Variants in GRM2 observed in about 807,000 individuals in gnomAD.
GRM2 encodes the protein glutamate metabotropic receptor 2.
In GRM2, 35 loss-of-function variants were observed where a neutral mutation model predicts 60.4. That is an observed-to-expected ratio of 0.58 (90% CI 0.44 to 0.77). The LOEUF (loss-of-function observed/expected upper bound fraction) is 0.77, where lower values mean the gene tolerates loss of function less well. GRM2 is among the 30% of genes least tolerant of loss of function. The pLI is 0.00. For synonymous variants in GRM2, 437 were observed against 484.1 expected (o/e 0.90, Z 1.28); for missense variants, 925 against 1,199.5 (o/e 0.77, Z 3.38).
At position 51,716,249 on chromosome 3, in the gene GRM2, CAG is replaced by C. The variant is rs1703895917; in HGVS notation, c.2364+113_2364+114del. 1 of 709,160 alleles carries C rather than the reference CAG, an allele frequency of 1.4e-6. No individual in the cohort carries two copies. Among genetic ancestry groups the C allele is most frequent in the South Asian group, 1.8e-5 (1 of 55,546 alleles). The allele number at this position is 709,160 out of a possible 1,614,324, so 43.9% of individuals were successfully genotyped here. A position where few individuals can be genotyped will look rare whatever the true frequency, so the allele number is the denominator to read the frequency against. On this transcript the variant is annotated intron_variant, in intron 4 of 5. Transcript: ENST00000395052. This position sits in a 1 kb window ranked among gnomAD's most constrained non-coding sequence, Gnocchi z 4.0. The stretch of plus-strand genomic sequence containing the variant: ...GGGTTCCAAGAGGATAATGCCCACT[CAG>C]GGGACCACAGCTTGTGTGGATCCCA...
Position 51,718,051 on chromosome 3 carries a change from A to G in GRM2, c.2558A>G (p.Gln853Arg). ...TTCCTTTTCTTAGGGTCTGGCTCCC[A>G]GTTTGTCCCCACTGTTTGCAATGGC... is the stretch of plus-strand genomic sequence containing the variant. The part of the protein sequence containing the change: ...SSSLGQGSGS[Q>R]FVPTVCNGRE... Residue 853 changes from glutamine to arginine, a missense_variant, in exon 6 of 6, where the codon CAG becomes CGG. By Grantham distance (43) the Gln-to-Arg change is conservative. Coordinates refer to ENST00000395052, the MANE Select transcript of GRM2 (RefSeq NM_000839.5). This position sits in a 1 kb window ranked among gnomAD's most constrained non-coding sequence, Gnocchi z 4.2. The G allele has an allele frequency of 6.2e-7, 1 of 1,614,136 alleles. No homozygotes were observed. The highest frequency in any genetic ancestry group is 8.5e-7 in the Non-Finnish European group (1 of 1,180,004).
rs776161090 is a variant in GRM2 at position 51,713,019 on chromosome 3, AG to A, written c.998del (p.Ser333ThrfsTer146). The part of the protein sequence containing the change: ...PISDFASYFQ[S>X]LDPWNNSRNP... ...CAGTGACTTTGCCTCCTACTTCCAG[AG>A]CCTGGACCCTTGGAACAACAGCCGG... On this transcript the variant is annotated frameshift_variant, in exon 3 of 6. Coordinates refer to ENST00000395052, the MANE Select transcript of GRM2 (RefSeq NM_000839.5). LOFTEE classifies it high-confidence loss of function. The surrounding 1 kb of genome is among the most constrained non-coding windows in gnomAD (Gnocchi z 4.8). 1 of 1,613,214 alleles carries A rather than the reference AG, an allele frequency of 6.2e-7. No individual in the cohort carries two copies. Among genetic ancestry groups the A allele is most frequent in the Non-Finnish European group, 8.5e-7 (1 of 1,180,040 alleles).
Position 51,715,719 on chromosome 3 carries a change from C to T in GRM2, c.1946C>T (p.Ala649Val), listed in dbSNP as rs773700618. Residue 649 changes from alanine (A) to valine (V), a missense_variant, in exon 4 of 6, where the codon GCC becomes GTC. Ala to Val is a moderately conservative substitution (Grantham distance 64). Coordinates refer to ENST00000395052, the MANE Select transcript of GRM2 (RefSeq NM_000839.5). This position sits in a 1 kb window ranked among gnomAD's most constrained non-coding sequence, Gnocchi z 9.0. ...LGTAFSVCYS[A>V]LLTKTNRIAR... ...ACTGCCTTCTCTGTCTGCTACTCAG[C>T]CCTGCTCACCAAGACCAACCGCATT... The T allele has an allele frequency of 3.7e-6, 6 of 1,614,218 alleles. No homozygotes were observed. Among genetic ancestry groups the T allele is most frequent in the African/African-American group, 1.3e-5 (1 of 75,074 alleles).
At position 51,713,335 on chromosome 3, in the gene GRM2, T is replaced by G; in HGVS notation, c.1288+25T>G. 6.8e-7 allele frequency: 1 copy of G among 1,461,822 alleles called. No homozygotes were observed. Among genetic ancestry groups the G allele is most frequent in the Non-Finnish European group, 9.4e-7 (1 of 1,058,542 alleles). 90.6% of individuals were successfully genotyped at this position (1,461,822 alleles called of 1,614,324 possible). A position where few individuals can be genotyped will look rare whatever the true frequency, so the allele number is the denominator to read the frequency against. ...GGTAATGGTGTTGGCCAGTGTCCAT[T>G]GGCCTGCTGGCTGTCAGAGGATGAG... is the stretch of plus-strand genomic sequence containing the variant. On this transcript the variant is annotated intron_variant, in intron 3 of 5. Coordinates refer to ENST00000395052, the MANE Select transcript of GRM2 (RefSeq NM_000839.5). This position sits in a 1 kb window ranked among gnomAD's most constrained non-coding sequence, Gnocchi z 4.8.
chr3:51,708,648 A>T, intron 1 of GRM2, 200 bp from the exon 2 acceptor site: 1 of 233,372 alleles, frequency 4.3e-6, no homozygotes, highest in Non-Finnish European at 8.4e-6. Flanking sequence ...CCCATCTCTC[A>T]CCAAGCTGAG....
rs773073246 is a variant in GRM2 at position 51,709,038 on chromosome 3, G to C, written c.55G>C (p.Glu19Gln). The C allele has an allele frequency of 1.9e-6, 3 of 1,601,216 alleles. No homozygotes were observed. In the Admixed American group the frequency reaches 5.0e-5, roughly 27 times the overall value. Residue 19 changes from glutamate (E) to glutamine (Q), a missense_variant, in exon 2 of 6, where the codon GAG becomes CAG. Transcript: ENST00000395052. Reference protein sequence around the residue: ...ALLLLWGAVAEGPAKKVLTLE... With the variant: ...ALLLLWGAVAQGPAKKVLTLE... ...GCTGCTGCTGTGGGGTGCTGTGGCT[G>C]AGGGCCCAGCCAAGAAGGTGCTGAC...
At position 51,715,398 on chromosome 3, in the gene GRM2, T is replaced by C. The variant is rs760442768; in HGVS notation, c.1625T>C (p.Leu542Pro). The C allele has an allele frequency of 6.2e-7, 1 of 1,613,586 alleles. No homozygotes were observed. The highest frequency in any genetic ancestry group is 8.5e-7 in the Non-Finnish European group (1 of 1,180,004). The change falls in exon 4 of 6, where the codon CTG (leucine) becomes CCG (proline). Residue 542 changes from leucine (L) to proline (P), a missense_variant. Transcript: ENST00000395052. This position sits in a 1 kb window ranked among gnomAD's most constrained non-coding sequence, Gnocchi z 9.0. ...GAATTCACTTGCGCTGATTGTGGCC[T>C]GGGCTACTGGCCCAATGCCAGCCTG... ...LDEFTCADCG[L>P]GYWPNASLTG...
chr3:51,709,000 C>A lies in GRM2; in HGVS notation c.17C>A (p.Ala6Glu). The A allele has an allele frequency of 6.3e-7, 1 of 1,581,292 alleles. No individual in the cohort carries two copies. The highest frequency in any genetic ancestry group is 8.6e-7 in the Non-Finnish European group (1 of 1,157,810). Residue 6 changes from alanine to glutamate, a missense_variant, in exon 2 of 6, where the codon GCG becomes GAG. By Grantham distance (107) the Ala-to-Glu change is moderately radical (BLOSUM62 -1). Coordinates refer to ENST00000395052, the MANE Select transcript of GRM2 (RefSeq NM_000839.5). ...TTTGGGGCCATGGGATCGCTGCTTG[C>A]GCTCCTGGCACTGCTGCTGCTGTGG... MGSLL[A>E]LLALLLLWGA... is the part of the protein sequence containing the mutation.
Position 51,712,634 on chromosome 3 carries a change from G to A in GRM2, c.612G>A (p.Trp204Ter). ...CTGAGATTCTCCGCTTCTTCAACTG[G>A]ACCTATGTGTCCACTGTGGCGTCTG... Reference protein sequence around the residue: ...AMAEILRFFNWTYVSTVASEG... With the variant: ...AMAEILRFFN Residue 204 changes from tryptophan to a stop codon, truncating the protein, a stop_gained, in exon 3 of 6, where the codon TGG (tryptophan) becomes TGA (stop). Transcript: ENST00000395052. LOFTEE classifies it high-confidence loss of function. The surrounding 1 kb of genome is among the most constrained non-coding windows in gnomAD (Gnocchi z 5.3). 1 of 1,614,140 alleles carries A rather than the reference G, an allele frequency of 6.2e-7. No homozygotes were observed. Among genetic ancestry groups the A allele is most frequent in the Non-Finnish European group, 8.5e-7 (1 of 1,180,042 alleles).
In GRM2 at chr3:51,713,119, C is replaced by G. The variant is rs755762716; in HGVS notation, c.1097C>G (p.Ser366Cys). 3 of 1,613,118 alleles carry G rather than the reference C, an allele frequency of 1.9e-6. No homozygotes were observed. Among genetic ancestry groups the G allele is most frequent in the South Asian group, 2.2e-5 (2 of 91,088 alleles). The change falls in exon 3 of 6, where the codon TCT becomes TGT. Residue 366 changes from serine to cysteine, a missense_variant. Coordinates refer to ENST00000395052, the MANE Select transcript of GRM2 (RefSeq NM_000839.5). This position sits in a 1 kb window ranked among gnomAD's most constrained non-coding sequence, Gnocchi z 4.8. The stretch of plus-strand genomic sequence containing the variant: ...CGGCAGCGAGACTGCGCAGCCCACT[C>G]TCTCCGGGCTGTGCCCTTTGAGCAG... ...SFRQRDCAAH[S>C]LRAVPFEQES... is the part of the protein sequence containing the mutation.
At position 51,718,082 on chromosome 3, in the gene GRM2, G is replaced by A; in HGVS notation, c.2589G>A (p.Glu863=). 1 of 1,614,176 alleles carries A rather than the reference G, an allele frequency of 6.2e-7. No homozygotes were observed. Among genetic ancestry groups the A allele is most frequent in the Non-Finnish European group, 8.5e-7 (1 of 1,180,018 alleles). The change falls in exon 6 of 6, where the codon GAG becomes GAA. Residue 863 remains glutamate (E), a synonymous_variant. Transcript: ENST00000395052. The surrounding 1 kb of genome is among the most constrained non-coding windows in gnomAD (Gnocchi z 4.2). The part of the protein sequence containing the change: ...QFVPTVCNGR[E]VVDSTTSSL ...TCCCCACTGTTTGCAATGGCCGTGAGGTGGTGGACTCGACAACGTCATCGC... is the reference window on the plus strand; with the variant it reads ...TCCCCACTGTTTGCAATGGCCGTGAAGTGGTGGACTCGACAACGTCATCGC...
chr3:51,713,704 G>C lies in GRM2; in HGVS notation c.1288+394G>C. 3.6e-6 allele frequency: 1 copy of C among 275,934 alleles called. No individual in the cohort carries two copies. The highest frequency in any genetic ancestry group is 5.0e-5 in the Admixed American group (1 of 19,938). 17.1% of individuals were successfully genotyped at this position (275,934 alleles called of 1,614,324 possible). A position where few individuals can be genotyped will look rare whatever the true frequency, so the allele number is the denominator to read the frequency against. Reference sequence around the variant, plus strand: ...CATCAGGATGACGCTCTATATTCACGGAAAATGTCTTTCTGTCTTTCTTTT... The same window carrying C: ...CATCAGGATGACGCTCTATATTCACCGAAAATGTCTTTCTGTCTTTCTTTT... On this transcript the variant is annotated intron_variant, in intron 3 of 5. Coordinates refer to ENST00000395052, the MANE Select transcript of GRM2 (RefSeq NM_000839.5). This position sits in a 1 kb window ranked among gnomAD's most constrained non-coding sequence, Gnocchi z 4.8.
rs1308047811 is a variant in GRM2 at position 51,712,679 on chromosome 3, AG to A, written c.659del (p.Gly220AlafsTer7). ...CGTCTGAGGGCGACTATGGCGAGACAGGCATTGAGGCCTTTGAGCTAGAGGC... is the reference window on the plus strand; with the variant it reads ...CGTCTGAGGGCGACTATGGCGAGACAGCATTGAGGCCTTTGAGCTAGAGGC... ...VASEGDYGET[G>X]IEAFELEARA... On this transcript the variant is annotated frameshift_variant, in exon 3 of 6. Coordinates refer to ENST00000395052, the MANE Select transcript of GRM2 (RefSeq NM_000839.5). LOFTEE classifies it high-confidence loss of function. The surrounding 1 kb of genome is among the most constrained non-coding windows in gnomAD (Gnocchi z 5.3). The A allele has an allele frequency of 6.2e-7, 1 of 1,613,938 alleles. No individual in the cohort carries two copies. The highest frequency in any genetic ancestry group is 8.5e-7 in the Non-Finnish European group (1 of 1,180,034).
Position 51,718,189 on chromosome 3 carries a change from T to C in GRM2, c.*77T>C. 1 of 1,223,336 alleles carries C rather than the reference T, an allele frequency of 8.2e-7. No homozygotes were observed. The highest frequency in any genetic ancestry group is 1.2e-6 in the Non-Finnish European group (1 of 822,802). The allele number at this position is 1,223,336 out of a possible 1,614,324, so 75.8% of individuals were successfully genotyped here. On this transcript the variant is annotated 3_prime_UTR_variant, in exon 6 of 6. Coordinates refer to ENST00000395052, the MANE Select transcript of GRM2 (RefSeq NM_000839.5). This position sits in a 1 kb window ranked among gnomAD's most constrained non-coding sequence, Gnocchi z 4.2. ...CCCACGTCCAGGGCCAGGAGGAAGT[T>C]GGCTGGAGCACTGCAATAATTTATT...
Position 51,713,227 on chromosome 3 carries a change from A to G in GRM2, c.1205A>G (p.Asn402Ser), listed in dbSNP as rs765950059. The change falls in exon 3 of 6, where the codon AAC becomes AGC. Residue 402 changes from asparagine (N) to serine (S), a missense_variant. By Grantham distance (46) the Asn-to-Ser change is conservative. Coordinates refer to ENST00000395052, the MANE Select transcript of GRM2 (RefSeq NM_000839.5). This position sits in a 1 kb window ranked among gnomAD's most constrained non-coding sequence, Gnocchi z 4.8. ...AACATGCACCGTGCCCTCTGCCCCA[A>G]CACCACCCGGCTCTGTGACGCGATG... ...LHNMHRALCP[N>S]TTRLCDAMRP... 7 of 1,613,010 alleles carry G rather than the reference A, an allele frequency of 4.3e-6. 1 individual carries two copies. The highest frequency in any genetic ancestry group is 5.9e-6 in the Non-Finnish European group (7 of 1,180,026).
At position 51,713,994 on chromosome 3, in the gene GRM2, T is replaced by C. The variant is rs1703816048; in HGVS notation, c.1288+684T>C. 1 of 454,474 alleles carries C rather than the reference T, an allele frequency of 2.2e-6. No homozygotes were observed. Among genetic ancestry groups the C allele is most frequent in the Middle Eastern group, 3.3e-4 (1 of 3,070 alleles). The allele number at this position is 454,474 out of a possible 1,614,324, so 28.2% of individuals were successfully genotyped here. A position where few individuals can be genotyped will look rare whatever the true frequency, so the allele number is the denominator to read the frequency against. ...CTGAAAGTCTCCTGAAATCAAAAGT[T>C]ATTTTAATAAGAGTGCCAGCTTTAA... On this transcript the variant is annotated intron_variant, in intron 3 of 5. Coordinates refer to ENST00000395052, the MANE Select transcript of GRM2 (RefSeq NM_000839.5). The surrounding 1 kb of genome is among the most constrained non-coding windows in gnomAD (Gnocchi z 4.8).
At position 51,717,757 on chromosome 3, in the gene GRM2, C is replaced by A; in HGVS notation, c.2485C>A (p.Arg829=). 2 of 1,614,110 alleles carry A rather than the reference C, an allele frequency of 1.2e-6. No homozygotes were observed. Among genetic ancestry groups the A allele is most frequent in the Non-Finnish European group, 1.7e-6 (2 of 1,180,032 alleles). Residue 829 remains arginine, a synonymous_variant, in exon 5 of 6, where the codon CGG becomes AGG. Coordinates refer to ENST00000395052, the MANE Select transcript of GRM2 (RefSeq NM_000839.5). The surrounding 1 kb of genome is among the most constrained non-coding windows in gnomAD (Gnocchi z 6.0). The stretch of plus-strand genomic sequence containing the variant: ...GCCGCAGAAGAACGTGGTTAGCCAC[C>A]GGGCACCCACCAGCCGCTTTGGCAG... The part of the protein sequence containing the change: ...FQPQKNVVSH[R]APTSRFGSAA...
At position 51,713,382 on chromosome 3, in the gene GRM2, CATT is replaced by C; in HGVS notation, c.1288+73_1288+75del. 1.9e-6 allele frequency: 2 copies of C among 1,056,764 alleles called. No individual in the cohort carries two copies. Among genetic ancestry groups the C allele is most frequent in the Non-Finnish European group, 2.8e-6 (2 of 721,260 alleles). The allele number at this position is 1,056,764 out of a possible 1,614,324, so 65.5% of individuals were successfully genotyped here. A position where few individuals can be genotyped will look rare whatever the true frequency, so the allele number is the denominator to read the frequency against. ...TGAGGGGAAGCAGAACTTCAGCTTCCATTCCTTTGCTAAGGAAACAGTAGAGTG... is the reference window on the plus strand; with the variant it reads ...TGAGGGGAAGCAGAACTTCAGCTTCCCCTTTGCTAAGGAAACAGTAGAGTG... On this transcript the variant is annotated intron_variant, in intron 3 of 5. Transcript: ENST00000395052. The surrounding 1 kb of genome is among the most constrained non-coding windows in gnomAD (Gnocchi z 4.8).
In GRM2 at chr3:51,713,368, A is replaced by T; in HGVS notation, c.1288+58A>T. ...TGGCTGTCAGAGGATGAGGGGAAGC[A>T]GAACTTCAGCTTCCATTCCTTTGCT... On this transcript the variant is annotated intron_variant, in intron 3 of 5. Transcript: ENST00000395052. The surrounding 1 kb of genome is among the most constrained non-coding windows in gnomAD (Gnocchi z 4.8). 4 of 1,163,718 alleles carry T rather than the reference A, an allele frequency of 3.4e-6. No individual in the cohort carries two copies. Among genetic ancestry groups the T allele is most frequent in the Non-Finnish European group, 4.9e-6 (4 of 810,928 alleles). 72.1% of individuals were successfully genotyped at this position (1,163,718 alleles called of 1,614,324 possible). A position where few individuals can be genotyped will look rare whatever the true frequency, so the allele number is the denominator to read the frequency against.
Sources: gnomAD v4.1 joint callset for allele counts on GRCh38, gnomAD v4.1.1 for gene constraint, Gnocchi (gnomAD v3.1) non-coding constraint, MANE v1.5 for transcripts, NCBI Gene and HGNC (gene_info 2026-07-23, HGNC 2026-07-21) for gene names.